GLO1: variants seen among roughly 807,000 people sequenced by gnomAD.
GLO1 encodes lactoylglutathione lyase.
Under a neutral mutation model 26.0 loss-of-function variants are expected in GLO1, and 28 were observed. The ratio of observed to expected loss-of-function variants is 1.08; its 90% CI spans 0.80 to 1.48. GLO1 has a LOEUF of 1.48. Among genes scored for constraint, GLO1 ranks in the 40% most tolerant of loss-of-function variants. The probability of loss-of-function intolerance (pLI) is 0.00; values close to 1 mark genes in which losing one functional copy is unlikely to be tolerated. For synonymous variants in GLO1, 78 were observed against 77.6 expected, an observed-to-expected ratio of 1.00 and a Z score of -0.03; for missense variants, 225 against 224.8, an observed-to-expected ratio of 1.00 and a Z score of -0.01.
intron 1 of GLO1, among the ~76,000 whole-genome samples, chr6:38,690,748 C>A (rs915404458): frequency 6.6e-6 from 1 of 151,964 alleles, no homozygotes; most frequent in African/African-American, 2.4e-5. Context: ...AAGATATATT[C>A]AACGTTAGTG....
intron 5 of GLO1, among the ~76,000 whole-genome samples, chr6:38,678,818 C>T (rs1761317182): frequency 6.6e-6 from 1 of 152,120 alleles, no homozygotes; most frequent in South Asian, 2.1e-4. Flanking sequence ...GTGGGAAGAT[C>T]CAACCTGAAG....
chr6:38,702,424 C>T (rs1420022161), intron 1 of GLO1, among the ~76,000 whole-genome samples: 1 of 152,164 alleles, frequency 6.6e-6, no homozygotes, highest in African/African-American at 2.4e-5. Flanking sequence ...CTCTATGATT[C>T]TGTAATCTCT....
At chr6:38,682,478 A>C (rs952544671) in intron 4 of GLO1, among the ~76,000 whole-genome samples, 22 of 152,150 alleles carry the variant, frequency 1.4e-4, no homozygotes, top group African/African-American at 4.6e-4. Context: ...TGATTGAGAG[A>C]CTGGAGATCA....
intron 5 of GLO1, among the ~76,000 whole-genome samples, chr6:38,681,179 T>A (rs1193394339): frequency 6.6e-6 from 1 of 152,100 alleles, no homozygotes; most frequent in Non-Finnish European, 1.5e-5. Context: ...TTCTCCTGCC[T>A]CAGCCTCCTG....
intron 5 of GLO1, among the ~76,000 whole-genome samples, chr6:38,678,961 A>G (rs1189032442): frequency 6.6e-6 from 1 of 152,198 alleles, no homozygotes; most frequent in Non-Finnish European, 1.5e-5. Context: ...CCATTCTCCT[A>G]TTCACACTGC....
At chr6:38,687,567 CT>C (rs1761475199) in intron 1 of GLO1, among the ~76,000 whole-genome samples, 1 of 152,132 alleles carries the variant, frequency 6.6e-6, no homozygotes, top group Non-Finnish European at 1.5e-5. Context: ...TCCTAAATAA[CT>C]AAAAGGGTAA....
chr6:38,678,575 AAC>A (rs1428035424), intron 5 of GLO1, among the ~76,000 whole-genome samples: 1 of 152,050 alleles, frequency 6.6e-6, no homozygotes, highest in Non-Finnish European at 1.5e-5. Context: ...GCTGCGAGAG[AAC>A]AGAGTTTTGC....
chr6:38,682,013 ATC>A lies in GLO1; in HGVS notation c.463_464del (p.Asp155TrpfsTer2). The A allele has an allele frequency of 6.9e-7, 1 of 1,454,684 alleles. No homozygotes were observed. Among genetic ancestry groups the A allele is most frequent in the Non-Finnish European group, 9.7e-7 (1 of 1,034,342 alleles). The allele number at this position is 1,454,684 out of a possible 1,614,324, so 90.1% of individuals were successfully genotyped here. On this transcript the variant is annotated frameshift_variant and splice_region_variant, in exon 5 of 6. Transcript: ENST00000373365. LOFTEE classifies it high-confidence loss of function. Reference protein sequence around the residue: ...LGVKFVKKPDDGKMKGLAFIQ... With the variant: ...LGVKFVKKPDXGKMKGLAFIQ... ...GAACACAGTAAGTAGTAGACTCACC[ATC>A]ATCAGGTTTCTTCACAAATTTGACT... is the stretch of plus-strand genomic sequence containing the variant.
intron 1 of GLO1, among the ~76,000 whole-genome samples, chr6:38,699,136 T>C (rs1029517237): frequency 6.6e-6 from 1 of 152,198 alleles, no homozygotes; most frequent in Non-Finnish European, 1.5e-5. Flanking sequence ...GCATTGCAAT[T>C]CTACCATCCT....
chr6:38,698,585 T>C (rs1761644706), intron 1 of GLO1, among the ~76,000 whole-genome samples: 1 of 150,104 alleles, frequency 6.7e-6, no homozygotes, highest in Non-Finnish European at 1.5e-5. Flanking sequence ...TTGTCTACTG[T>C]ATTAGTGGAG....
intron 1 of GLO1, among the ~76,000 whole-genome samples, chr6:38,691,986 C>G (rs528292193): frequency 1.9e-4 from 29 of 152,296 alleles, no homozygotes; most frequent in Admixed American, 5.2e-4. Flanking sequence ...CTATGTAAGT[C>G]TTAAAATCAG....
intron 3 of GLO1, among the ~76,000 whole-genome samples, chr6:38,683,678 G>A (rs1186479741): frequency 1.3e-5 from 2 of 152,044 alleles, no homozygotes; most frequent in Non-Finnish European, 2.9e-5. Context: ...ACGAGGTCAG[G>A]AGATCGAGAC....
rs550165543 is a variant in GLO1 at position 38,680,350 on chromosome 6, C to T, written c.466+1662G>A. 5.9e-5 allele frequency among the ~76,000 whole-genome samples: 9 copies of T among 152,062 alleles called. 1 individual carries two copies. The South Asian group carries it at 1.0e-3, about 18-fold the overall frequency. On this transcript the variant is annotated intron_variant, in intron 5 of 5. Transcript: ENST00000373365. ...CAGCCTGACCAACATGGAGAAACCCCGTCTCTACTAAAAATACAAAATTAG... is the reference window on the plus strand; with the variant it reads ...CAGCCTGACCAACATGGAGAAACCCTGTCTCTACTAAAAATACAAAATTAG...
chr6:38,680,331 G>A (rs1761352053), intron 5 of GLO1, among the ~76,000 whole-genome samples: 1 of 152,132 alleles, frequency 6.6e-6, no homozygotes, highest in African/African-American at 2.4e-5. Flanking sequence ...AGACCAGCCT[G>A]ACCAACATGG....
intron 2 of GLO1, among the ~76,000 whole-genome samples, chr6:38,686,432 A>G (rs146169856): frequency 1.3e-5 from 2 of 152,360 alleles, no homozygotes; most frequent in East Asian, 3.9e-4. Context: ...AAAAATAAGT[A>G]TGCTTTAGGA....
intron 1 of GLO1, among the ~76,000 whole-genome samples, chr6:38,698,022 A>C (rs1434920592): frequency 1.3e-5 from 2 of 152,194 alleles, no homozygotes; most frequent in African/African-American, 4.8e-5. Context: ...ATGTAGCTGC[A>C]TACTTCTCTA....
At chr6:38,681,872 T>C (rs1761385647) in intron 5 of GLO1, 140 bp downstream of exon 5, 1 of 606,688 alleles carries the variant, frequency 1.6e-6, no homozygotes, top group Non-Finnish European at 3.0e-6. Context: ...TTCCAATCAT[T>C]TCTCTTTTTT....
chr6:38,684,971 G>A (rs935187843), intron 2 of GLO1, among the ~76,000 whole-genome samples: 1 of 152,178 alleles, frequency 6.6e-6, no homozygotes, highest in African/African-American at 2.4e-5. Context: ...TTAAGGATAG[G>A]TGGTAAGAAA....
intron 5 of GLO1, among the ~76,000 whole-genome samples, chr6:38,680,316 T>C (rs567487243): frequency 1.1e-4 from 17 of 151,474 alleles, no homozygotes; most frequent in African/African-American, 4.1e-4. Flanking sequence ...GAGGTTGGGA[T>C]TTTGAGACCA....
Sources: allele counts gnomAD v4.1 joint callset (sites outside exome capture counted in the v4.1 genomes callset), GRCh38; gene constraint gnomAD v4.1.1; transcripts MANE v1.5; gene names NCBI Gene and HGNC (gene_info 2026-07-23, HGNC 2026-07-21).